Variants in CADM1 observed in about 807,000 individuals in gnomAD.
CADM1 encodes the protein TSLC-1.
A neutral mutation model predicts 53.1 loss-of-function variants in CADM1; 15 were observed. The observed-to-expected ratio is 0.28, with a 90% CI of 0.19 to 0.44. CADM1 has a LOEUF of 0.44. Among genes scored for constraint, CADM1 ranks in the 20% least tolerant of loss-of-function variants. The pLI is 1.00. For missense variants in CADM1, 434 were observed against 611.3 expected, an observed-to-expected ratio of 0.71 and a Z score of 3.06; for synonymous variants, 281 against 243.0, an observed-to-expected ratio of 1.16 and a Z score of -1.45.
intron 1 of CADM1, among the ~76,000 whole-genome samples, chr11:115,423,116 T>A (rs1408745593): frequency 6.6e-6 from 1 of 151,992 alleles, no homozygotes; most frequent in Non-Finnish European, 1.5e-5. Flanking sequence ...TTTAAATGAG[T>A]TTTGATTTAC....
chr11:115,367,139 C>T (rs907421156), intron 1 of CADM1, among the ~76,000 whole-genome samples: 1 of 152,178 alleles, frequency 6.6e-6, no homozygotes, highest in South Asian at 2.1e-4. Flanking sequence ...GCATGAGCCC[C>T]GGAGTTCGAG....
chr11:115,458,099 T>C (rs1184621284), intron 1 of CADM1, among the ~76,000 whole-genome samples: 1 of 134,044 alleles, frequency 7.5e-6, no homozygotes, highest in Non-Finnish European at 1.6e-5. Context: ...AATAAGCTGA[T>C]GTTTGGGGGA....
chr11:115,482,626 C>T (rs534687873), intron 1 of CADM1, among the ~76,000 whole-genome samples: 4 of 152,246 alleles, frequency 2.6e-5, no homozygotes, highest in African/African-American at 4.8e-5. Flanking sequence ...TATTTATAAA[C>T]GTGTTTCTCT....
intron 1 of CADM1, among the ~76,000 whole-genome samples, chr11:115,318,912 CAAGAAT>C (rs1944747142): frequency 6.6e-6 from 1 of 152,102 alleles, no homozygotes; most frequent in Non-Finnish European, 1.5e-5. Context: ...AAGGAAGTAG[CAAGAAT>C]AATAATTAAC....
chr11:115,493,513 G>A (rs540243260), intron 1 of CADM1, among the ~76,000 whole-genome samples: 7 of 152,208 alleles, frequency 4.6e-5, no homozygotes, highest in East Asian at 1.9e-4. Flanking sequence ...TCTTCACAAC[G>A]AAGTTTGCTC....
chr11:115,202,147 A>G (rs1348803478), intron 8 of CADM1, among the ~76,000 whole-genome samples: 1 of 151,584 alleles, frequency 6.6e-6, no homozygotes, highest in African/African-American at 2.4e-5. Context: ...AAGCTCTGAC[A>G]ATGTGTGAAA....
At chr11:115,336,306 C>A (rs542344505) in intron 1 of CADM1, among the ~76,000 whole-genome samples, 36 of 152,250 alleles carry the variant, frequency 2.4e-4, no homozygotes, top group African/African-American at 8.4e-4. Context: ...AAGGCAATTA[C>A]GTCTTAGTAT....
chr11:115,281,069 G>A lies in CADM1; in HGVS notation c.125-40649C>T, dbSNP rs182958722. 3.5e-3 allele frequency among the ~76,000 whole-genome samples: 530 copies of A among 152,254 alleles called. 6 individuals are homozygous for A. Among genetic ancestry groups the A allele is most frequent in the Admixed American group, 5.4e-3 (83 of 15,288 alleles). ...TTAGCTATAAATGGATTGAACTCCC[G>A]GTAGATTGGGAAAATCCACCCAACT... is the stretch of plus-strand genomic sequence containing the variant. On this transcript the variant is annotated intron_variant, in intron 1 of 11. Coordinates refer to ENST00000331581, the MANE Select transcript of CADM1 (RefSeq NM_001301043.2).
chr11:115,410,516 T>C (rs1390837345), intron 1 of CADM1, among the ~76,000 whole-genome samples: 1 of 152,050 alleles, frequency 6.6e-6, no homozygotes, highest in Non-Finnish European at 1.5e-5. Context: ...AGCAACAGAA[T>C]AAATGCTGAA....
intron 9 of CADM1, among the ~76,000 whole-genome samples, chr11:115,193,005 G>T (rs961501617): frequency 3.3e-5 from 5 of 152,196 alleles, no homozygotes; most frequent in Admixed American, 1.3e-4. Flanking sequence ...CTCTGCCATA[G>T]TTGGACAATT....
At chr11:115,316,479 C>T (rs760963573) in intron 1 of CADM1, among the ~76,000 whole-genome samples, 18 of 152,078 alleles carry the variant, frequency 1.2e-4, no homozygotes, top group Admixed American at 4.6e-4. Flanking sequence ...AGTTCCGAGG[C>T]GGAATTCCGA....
chr11:115,350,637 TA>T (rs11378290), intron 1 of CADM1, among the ~76,000 whole-genome samples: 23 of 146,804 alleles, frequency 1.6e-4, no homozygotes, highest in East Asian at 5.9e-4. Context: ...CCATACTAAC[TA>T]AAAAAAAAAA....
chr11:115,479,234 A>G (rs1372373828), intron 1 of CADM1, among the ~76,000 whole-genome samples: 1 of 152,144 alleles, frequency 6.6e-6, no homozygotes, highest in East Asian at 1.9e-4. Context: ...TCAAAATGTA[A>G]TGTTAACATA....
intron 1 of CADM1, among the ~76,000 whole-genome samples, chr11:115,354,332 G>A (rs1051726721): frequency 3.9e-5 from 6 of 152,136 alleles, no homozygotes; most frequent in East Asian, 1.9e-4. Flanking sequence ...GTAATGTTCC[G>A]AAGGTCACAC....
At chr11:115,411,420 T>C (rs1204584196) in intron 1 of CADM1, among the ~76,000 whole-genome samples, 1 of 152,172 alleles carries the variant, frequency 6.6e-6, no homozygotes, top group African/African-American at 2.4e-5. Flanking sequence ...TAAAATTTCA[T>C]TACTATATTT....
chr11:115,361,224 T>C (rs1460676343), intron 1 of CADM1, among the ~76,000 whole-genome samples: 2 of 152,160 alleles, frequency 1.3e-5, no homozygotes, highest in Non-Finnish European at 1.5e-5. Flanking sequence ...TGAAATCTCA[T>C]TAGCAAATCA....
At chr11:115,323,034 C>A (rs1315615084) in intron 1 of CADM1, among the ~76,000 whole-genome samples, 1 of 152,040 alleles carries the variant, frequency 6.6e-6, no homozygotes, top group Non-Finnish European at 1.5e-5. Flanking sequence ...TTGGCTGCAC[C>A]ATTTTACATT....
At chr11:115,411,022 CTG>C (rs1289726866) in intron 1 of CADM1, among the ~76,000 whole-genome samples, 4 of 148,624 alleles carry the variant, frequency 2.7e-5, no homozygotes, top group Admixed American at 6.6e-5. Flanking sequence ...AAAATCCTAA[CTG>C]TGTCTTTGTG....
chr11:115,226,934 T>G (rs1565310229), intron 5 of CADM1, among the ~76,000 whole-genome samples: 1 of 152,208 alleles, frequency 6.6e-6, no homozygotes, highest in Non-Finnish European at 1.5e-5. Context: ...TGAACTTTCT[T>G]GAGCACAGAG....
Sources: allele counts gnomAD v4.1 joint callset (sites outside exome capture counted in the v4.1 genomes callset), GRCh38; gene constraint gnomAD v4.1.1; transcripts MANE v1.5; gene names NCBI Gene and HGNC (gene_info 2026-07-23, HGNC 2026-07-21).